VWF: variants seen among roughly 807,000 people sequenced by gnomAD.
VWF encodes Factor VIII related antigen.
A neutral mutation model predicts 308.6 loss-of-function variants in VWF; 176 were observed. The observed-to-expected ratio is 0.57, with a 90% confidence interval of 0.50 to 0.65. VWF has a LOEUF of 0.65. Ranked by LOEUF, VWF falls within the 30% of genes least tolerant of loss-of-function variation. The pLI is 0.00. For synonymous variants in VWF, 1,385 were observed against 1,443.4 expected, an observed-to-expected ratio of 0.96 and a Z score of 0.92; for missense variants, 3,146 against 3,648.2, an observed-to-expected ratio of 0.86 and a Z score of 3.55.
chr12:6,063,015 C>G lies in VWF; in HGVS notation c.1472G>C (p.Arg491Pro). 4 of 1,613,650 alleles carry G rather than the reference C, an allele frequency of 2.5e-6. No individual in the cohort carries two copies. Among genetic ancestry groups the G allele is most frequent in the Non-Finnish European group, 3.4e-6 (4 of 1,180,030 alleles). ...CTGCAGGTCCTCCCCGTAGCTGAGG[C>G]GCACGGAGGCCGTCACTGTATGCTG... ...RIQHTVTASV[R>P]LSYGEDLQMD... The change falls in exon 13 of 52, where the codon CGC (arginine) becomes CCC (proline). Residue 491 changes from arginine (R) to proline (P), a missense_variant. Transcript: ENST00000261405. The surrounding 1 kb of genome is among the most constrained non-coding windows in gnomAD (Gnocchi z 4.9).
chr12:6,025,928 G>A lies in VWF; in HGVS notation c.3086C>T (p.Ser1029Leu), dbSNP rs572012161. Residue 1029 changes from serine (S) to leucine (L), a missense_variant, in exon 23 of 52, where the codon TCG becomes TTG. Ser to Leu is a moderately radical substitution (Grantham distance 145, BLOSUM62 -2). Coordinates refer to ENST00000261405, the MANE Select transcript of VWF (RefSeq NM_000552.5). ...VDFGNSWKVS[S>L]QCADTRKVPL... is the part of the protein sequence containing the mutation. ...TACTTTTCTGGTGTCAGCACACTGC[G>A]AGCTCACTTTCCAGGAGTTCCCAAA... is the stretch of plus-strand genomic sequence containing the variant. The A allele has an allele frequency of 3.7e-5, 59 of 1,613,966 alleles. No individual in the cohort carries two copies. The highest frequency in any genetic ancestry group is 3.6e-4 in the South Asian group (33 of 91,082).
intron 6 of VWF, among the ~76,000 whole-genome samples, chr12:6,083,805 G>C (rs1015407598): frequency 6.6e-6 from 1 of 152,190 alleles, no homozygotes; most frequent in African/African-American, 2.4e-5. Context: ...GCAATACCCA[G>C]TAGGCTATAA....
intron 6 of VWF, among the ~76,000 whole-genome samples, chr12:6,093,386 C>T (rs1226027352): frequency 6.6e-6 from 1 of 152,180 alleles, no homozygotes; most frequent in East Asian, 1.9e-4. Context: ...ACAGGGGCCA[C>T]TCCACCTTCC....
chr12:6,055,634 C>T (rs61354367), intron 15 of VWF, among the ~76,000 whole-genome samples: 3,211 of 152,146 alleles, frequency 0.021, 66 homozygotes, highest in African/African-American at 0.062. Flanking sequence ...TCATTGGACC[C>T]AAAATAGTAG....
chr12:6,046,709 G>T lies in VWF; in HGVS notation c.2281+14C>A. ...GGATGGAGTCAATGGGCCTTCCAGG[G>T]GGACAGTACTCACTGCGATGAGACA... On this transcript the variant is annotated intron_variant, in intron 17 of 51. Coordinates refer to ENST00000261405, the MANE Select transcript of VWF (RefSeq NM_000552.5). This position sits in a 1 kb window ranked among gnomAD's most constrained non-coding sequence, Gnocchi z 5.0. The T allele has an allele frequency of 1.2e-6, 2 of 1,613,330 alleles. No homozygotes were observed. Among genetic ancestry groups the T allele is most frequent in the South Asian group, 1.1e-5 (1 of 91,066 alleles).
intron 34 of VWF, among the ~76,000 whole-genome samples, chr12:5,999,503 C>CCA (rs1555193387): frequency 0.071 from 10,592 of 149,252 alleles, 396 homozygotes; most frequent in African/African-American, 0.086. Context: ...CACACACACA[C>CCA]CACTAAGGAA....
intron 37 of VWF, 74 bp from the exon 38 acceptor site, chr12:5,992,092 T>A: frequency 7.0e-7 from 1 of 1,427,772 alleles, no homozygotes; most frequent in East Asian, 2.3e-5. Context: ...TGATTCAACA[T>A]GGTTAATCAT....
Position 6,018,398 on chromosome 12 carries a change from C to T in VWF, c.5020G>A (p.Gly1674Arg). 1.2e-6 allele frequency: 2 copies of T among 1,612,488 alleles called. No homozygotes were observed. The highest frequency in any genetic ancestry group is 1.7e-6 in the Non-Finnish European group (2 of 1,179,612). The change falls in exon 28 of 52, where the codon GGG becomes AGG. Residue 1674 changes from glycine to arginine, a missense_variant. Gly to Arg is a moderately radical substitution (Grantham distance 125). Coordinates refer to ENST00000261405, the MANE Select transcript of VWF (RefSeq NM_000552.5). ...LVLQRCCSGE[G>R]LQIPTLSPAP... ...GGGGAGAGGGTGGGGATCTGCAGCC[C>T]CTCTCCGGAGCAGCACCTCTGCAGC...
rs371940892 is a variant in VWF at position 6,060,787 on chromosome 12, A to G, written c.1533+2167T>C. 2.2e-3 allele frequency among the ~76,000 whole-genome samples: 333 copies of G among 152,152 alleles called. No individual in the cohort carries two copies. The highest frequency in any genetic ancestry group is 7.4e-3 in the African/African-American group (306 of 41,518). On this transcript the variant is annotated intron_variant, in intron 13 of 51. Transcript: ENST00000261405. This position sits in a 1 kb window ranked among gnomAD's most constrained non-coding sequence, Gnocchi z 5.1. Reference sequence around the variant, plus strand: ...CTCCTCAGGGGAGAGACAAAGACCAAAGAAACCTGAGGGGAGGAAGGGCAG... The same window carrying G: ...CTCCTCAGGGGAGAGACAAAGACCAGAGAAACCTGAGGGGAGGAAGGGCAG...
chr12:6,092,515 T>G (rs1591912618), intron 6 of VWF, among the ~76,000 whole-genome samples: 2 of 131,860 alleles, frequency 1.5e-5, no homozygotes, highest in Non-Finnish European at 3.1e-5. Flanking sequence ...TAGTATGTGT[T>G]TGTCTGTGTG....
At chr12:6,084,979 A>T (rs1944952765) in intron 6 of VWF, among the ~76,000 whole-genome samples, 1 of 152,170 alleles carries the variant, frequency 6.6e-6, no homozygotes, top group South Asian at 2.1e-4. Context: ...CTGTTGATAG[A>T]TTTCCACCAA....
intron 9 of VWF, 90 bp downstream of exon 9, chr12:6,072,240 CT>C: frequency 8.2e-7 from 1 of 1,220,568 alleles, no homozygotes; most frequent in Non-Finnish European, 1.2e-6. Context: ...GGTCCAGGTT[CT>C]TTTCCACCTG....
At chr12:6,025,100 A>C (rs11611899) in intron 24 of VWF, among the ~76,000 whole-genome samples, 31,084 of 151,934 alleles carry the variant, frequency 0.2, 3,473 homozygotes, top group Non-Finnish European at 0.25. Flanking sequence ...TGAAGACACA[A>C]AAATAAGTCA....
intron 3 of VWF, among the ~76,000 whole-genome samples, 170 bp downstream of exon 3, chr12:6,121,004 G>T (rs116677595): frequency 2.0e-5 from 3 of 152,136 alleles, no homozygotes; most frequent in African/African-American, 7.2e-5. Context: ...GGAGAGACCC[G>T]GGGAAAGCCA....
chr12:5,983,144 C>T lies in VWF; in HGVS notation c.7081+6G>A, dbSNP rs1173175597. 1.2e-6 allele frequency: 2 copies of T among 1,612,972 alleles called. No homozygotes were observed. Among genetic ancestry groups the T allele is most frequent in the African/African-American group, 1.3e-5 (1 of 75,006 alleles). On this transcript the variant is annotated splice_donor_region_variant and intron_variant, in intron 41 of 51. Transcript: ENST00000261405. Reference sequence around the variant, plus strand: ...CACCACCCCTCCTCATCCACAGAGGCCTTACCGCAGGTGAAGTTGGGTCTG... The same window carrying T: ...CACCACCCCTCCTCATCCACAGAGGTCTTACCGCAGGTGAAGTTGGGTCTG...
chr12:6,104,756 T>C (rs1945221954), intron 5 of VWF, among the ~76,000 whole-genome samples: 1 of 152,160 alleles, frequency 6.6e-6, no homozygotes, highest in African/African-American at 2.4e-5. Context: ...ACTGGATATC[T>C]ACCCAAAGGA....
chr12:5,952,029 G>A lies in VWF; in HGVS notation c.8116-146C>T, dbSNP rs2136338881. 3.6e-6 allele frequency: 3 copies of A among 836,030 alleles called. No homozygotes were observed. In the South Asian group the frequency reaches 4.5e-5, roughly 12 times the overall value. 51.8% of individuals were successfully genotyped at this position (836,030 alleles called of 1,614,324 possible). On this transcript the variant is annotated intron_variant, in intron 49 of 51. Transcript: ENST00000261405. ...AACTATGCTTTCCTATCATAAATGTGAGCAGCTTGACCACCCTACCTGACC... is the reference window on the plus strand; with the variant it reads ...AACTATGCTTTCCTATCATAAATGTAAGCAGCTTGACCACCCTACCTGACC...
rs1314450949 is a variant in VWF at position 6,012,150 on chromosome 12, G to C, written c.5621-20C>G. 4.3e-6 allele frequency: 7 copies of C among 1,613,768 alleles called. No homozygotes were observed. The highest frequency in any genetic ancestry group is 5.9e-6 in the Non-Finnish European group (7 of 1,179,738). On this transcript the variant is annotated intron_variant, in intron 32 of 51. Transcript: ENST00000261405. ...CAAATCCTGCAACAGACACAAATAA[G>C]ACCTTAGTTCCCATCTTTCACCCAG...
At chr12:6,103,401 T>TGTGTATACACACGTGTGTGTATACACAC (rs1945195439) in intron 5 of VWF, among the ~76,000 whole-genome samples, 2 of 110,538 alleles carry the variant, frequency 1.8e-5, no homozygotes, top group Non-Finnish European at 3.3e-5. Flanking sequence ...TGTATACACG[T>TGTGTATACACACGTGTGTGTATACACAC]GTGTGTATAC....
Sources: allele counts gnomAD v4.1 joint callset (sites outside exome capture counted in the v4.1 genomes callset), GRCh38; gene constraint gnomAD v4.1.1; non-coding constraint Gnocchi (gnomAD v3.1); transcripts MANE v1.5; gene names NCBI Gene and HGNC (gene_info 2026-07-23, HGNC 2026-07-21).